Variants in PCDHGA1 observed in about 807,000 individuals in gnomAD.
The protein encoded by PCDHGA1 is protocadherin gamma subfamily A, 1, also known as protocadherin gamma-A1.
PCDHGA1 carries 32 observed loss-of-function variants against 58.0 expected under a neutral mutation model. The ratio of observed to expected loss-of-function variants is 0.55; its 90% CI spans 0.42 to 0.74. The LOEUF (loss-of-function observed/expected upper bound fraction) is 0.74, where lower values mean the gene tolerates loss of function less well. Among genes scored for constraint, PCDHGA1 ranks in the 30% least tolerant of loss-of-function variants. The pLI, the probability that PCDHGA1 is intolerant of heterozygous loss-of-function variation, is 0.00. For synonymous variants in PCDHGA1, 498 were observed against 501.1 expected (o/e 0.99, Z 0.08); for missense variants, 1,205 against 1,182.3 (o/e 1.02, Z -0.28).
At chr5:141,374,003 C>A in intron 1 of PCDHGA1, 1 of 1,320,442 alleles carries the variant, frequency 7.6e-7, no homozygotes. Context: ...GGACCTTCAC[C>A]GCTATTTCTG....
chr5:141,344,990 T>A (rs1219698776), intron 1 of PCDHGA1: 7 of 1,613,944 alleles, frequency 4.3e-6, no homozygotes, highest in Non-Finnish European at 5.9e-6. Flanking sequence ...AAATTAAAAT[T>A]GAAGCACAGG....
At chr5:141,389,790 G>A (rs1328126483) in intron 1 of PCDHGA1, 4 of 1,613,352 alleles carry the variant, frequency 2.5e-6, no homozygotes, top group Non-Finnish European at 3.4e-6. Flanking sequence ...CAGGGACGCC[G>A]TCCGCCAGCG....
chr5:141,472,533 C>A (rs1200612581), intron 1 of PCDHGA1, among the ~76,000 whole-genome samples: 3 of 150,970 alleles, frequency 2.0e-5, no homozygotes, highest in African/African-American at 7.3e-5. Flanking sequence ...GAGTGAGACA[C>A]CATCTCAAGA....
At chr5:141,403,646 G>A in intron 1 of PCDHGA1, 1 of 1,613,950 alleles carries the variant, frequency 6.2e-7, no homozygotes, top group Non-Finnish European at 8.5e-7. Context: ...CCATGTGACA[G>A]TGTTGGATAC....
In PCDHGA1 at chr5:141,385,111, T is replaced by G. The variant is rs373196114; in HGVS notation, c.2421+52006T>G. 2.8e-5 allele frequency: 46 copies of G among 1,614,188 alleles called. No individual in the cohort carries two copies. The African/African-American group carries it at 5.6e-4, about 20-fold the overall frequency. On this transcript the variant is annotated intron_variant, in intron 1 of 3. Transcript: ENST00000517417. ...AGGTGGCTTGGCGAACGTGCCCACCTCGCACTTTGTGGGCATGGACGGGGT... is the reference window on the plus strand; with the variant it reads ...AGGTGGCTTGGCGAACGTGCCCACCGCGCACTTTGTGGGCATGGACGGGGT...
intron 1 of PCDHGA1, chr5:141,418,648 A>G (rs1387887578): frequency 1.2e-6 from 2 of 1,614,036 alleles, no homozygotes; most frequent in Non-Finnish European, 1.7e-6. Flanking sequence ...CCATCCTGAG[A>G]GTGAAGGCCA....
chr5:141,494,100 G>A (rs559145191), intron 1 of PCDHGA1, among the ~76,000 whole-genome samples: 7 of 152,270 alleles, frequency 4.6e-5, no homozygotes, highest in South Asian at 2.1e-4. Flanking sequence ...ATTTTTCTCC[G>A]TCTCAGACAG....
At chr5:141,410,004 ACGCCTGGCTGTC>A in intron 1 of PCDHGA1, 1 of 1,613,154 alleles carries the variant, frequency 6.2e-7, no homozygotes, top group Non-Finnish European at 8.5e-7. Flanking sequence ...TCGGGACACA[ACGCCTGGCTGTC>A]CTACCACGTG....
Position 141,332,289 on chromosome 5 carries a change from G to A in PCDHGA1, c.1605G>A (p.Arg535=), listed in dbSNP as rs751755905. Reference sequence around the variant, plus strand: ...ACATGCAACTGAAAGTGATGGCGCGGGACAGTGGGGATCCGCCCCTCAGCA... The same window carrying A: ...ACATGCAACTGAAAGTGATGGCGCGAGACAGTGGGGATCCGCCCCTCAGCA... ...FRDMQLKVMA[R]DSGDPPLSSN... The change falls in exon 1 of 4, where the codon CGG becomes CGA. Residue 535 remains arginine (R), a synonymous_variant. Transcript: ENST00000517417. The surrounding 1 kb of genome is among the most constrained non-coding windows in gnomAD (Gnocchi z 4.6). 2 of 1,614,094 alleles carry A rather than the reference G, an allele frequency of 1.2e-6. No individual in the cohort carries two copies. The highest frequency in any genetic ancestry group is 1.3e-5 in the African/African-American group (1 of 74,910).
At chr5:141,350,245 G>A in intron 1 of PCDHGA1, 1 of 1,505,130 alleles carries the variant, frequency 6.6e-7, no homozygotes, top group South Asian at 1.4e-5. Flanking sequence ...AAGAAGCTCC[G>A]CGGAGAGTTC....
At chr5:141,421,141 G>A (rs7732160) in intron 1 of PCDHGA1, 49,996 of 938,386 alleles carry the variant, frequency 0.053, 1,680 homozygotes, top group African/African-American at 0.14. Flanking sequence ...TATTTTGGAT[G>A]TAGTCGGCCT....
At chr5:141,408,121 T>C in intron 1 of PCDHGA1, 1 of 1,475,406 alleles carries the variant, frequency 6.8e-7, no homozygotes, top group South Asian at 1.4e-5. Context: ...CCTCCTGTCC[T>C]GGGCCGAATG....
intron 1 of PCDHGA1, among the ~76,000 whole-genome samples, chr5:141,348,745 G>A (rs1055933152): frequency 6.6e-6 from 1 of 152,188 alleles, no homozygotes; most frequent in African/African-American, 2.4e-5. Context: ...ATAGTAAAAG[G>A]AATGGAAAGT....
At chr5:141,339,310 A>G in intron 1 of PCDHGA1, 1 of 1,614,254 alleles carries the variant, frequency 6.2e-7, no homozygotes, top group South Asian at 1.1e-5. Flanking sequence ...TGGAGGATAA[A>G]TTGACTATTT....
At chr5:141,478,042 G>A (rs1358652557) in intron 1 of PCDHGA1, 18 of 1,614,152 alleles carry the variant, frequency 1.1e-5, no homozygotes, top group Non-Finnish European at 1.5e-5. Flanking sequence ...CACCCAGGCA[G>A]ACTCTCACGG....
chr5:141,386,950 A>G (rs538175836), intron 1 of PCDHGA1, among the ~76,000 whole-genome samples: 1 of 152,246 alleles, frequency 6.6e-6, no homozygotes, highest in African/African-American at 2.4e-5. Flanking sequence ...GCAGTGCTTC[A>G]GTGCAGCAGA....
At position 141,331,305 on chromosome 5, in the gene PCDHGA1, C is replaced by A; in HGVS notation, c.621C>A (p.Val207=). Residue 207 remains valine (V), a synonymous_variant, in exon 1 of 4, where the codon GTC becomes GTA. Transcript: ENST00000517417. ...QSPLDREEEA[V]HHLILTASDG... ...CCTTAGACAGAGAAGAAGAAGCTGT[C>A]CACCACCTCATCCTCACAGCTTCTG... is the stretch of plus-strand genomic sequence containing the variant. 1 of 1,614,116 alleles carries A rather than the reference C, an allele frequency of 6.2e-7. No homozygotes were observed. Among genetic ancestry groups the A allele is most frequent in the Non-Finnish European group, 8.5e-7 (1 of 1,180,034 alleles).
chr5:141,440,918 A>C (rs2154559108), intron 1 of PCDHGA1: 1 of 152,384 alleles, frequency 6.6e-6, no homozygotes, highest in Admixed American at 6.5e-5. Context: ...TCCTGTGCTG[A>C]GAGTGAGGGC....
chr5:141,418,928 A>T (rs762769886), intron 1 of PCDHGA1: 1 of 1,613,978 alleles, frequency 6.2e-7, no homozygotes, highest in East Asian at 2.2e-5. Context: ...TGATCAGATT[A>T]TGGAGGATTC....
Sources: allele counts gnomAD v4.1 joint callset (sites outside exome capture counted in the v4.1 genomes callset), GRCh38; gene constraint gnomAD v4.1.1; non-coding constraint Gnocchi (gnomAD v3.1); transcripts MANE v1.5; gene names NCBI Gene and HGNC (gene_info 2026-07-23, HGNC 2026-07-21).